Variants in SHISA9 observed in about 807,000 individuals in gnomAD.
SHISA9 encodes the protein protein shisa-9.
SHISA9 carries 13 observed loss-of-function variants against 38.0 expected under a neutral mutation model. The observed-to-expected ratio is 0.34, with a 90% confidence interval of 0.22 to 0.54. The LOEUF is 0.54. Ranked by LOEUF, SHISA9 falls within the 20% of genes least tolerant of loss-of-function variation. SHISA9 has a pLI of 0.91. For missense variants in SHISA9, 538 were observed against 575.8 expected, an observed-to-expected ratio of 0.93 and a Z score of 0.67; for synonymous variants, 275 against 242.0, an observed-to-expected ratio of 1.14 and a Z score of -1.27.
At chr16:13,020,894 A>G (rs139281886) in intron 2 of SHISA9, among the ~76,000 whole-genome samples, 1 of 152,350 alleles carries the variant, frequency 6.6e-6, no homozygotes, top group African/African-American at 2.4e-5. Context: ...ATTATACGCA[A>G]GGGCAAAAGG....
At chr16:13,435,569 A>T in the SHISA9 span, among the ~76,000 whole-genome samples, 1 of 152,184 alleles carries the variant, frequency 6.6e-6, no homozygotes, top group Non-Finnish European at 1.5e-5. Flanking sequence ...AACTATCCCA[A>T]CCCTTTGAAA....
the SHISA9 span, among the ~76,000 whole-genome samples, chr16:13,493,489 A>G: frequency 2.0e-5 from 3 of 152,318 alleles, no homozygotes; most frequent in South Asian, 4.1e-4. Context: ...ATGGTTTTTC[A>G]TGACCCCTGA....
At chr16:13,120,512 T>A (rs929201073) in intron 2 of SHISA9, among the ~76,000 whole-genome samples, 1 of 152,250 alleles carries the variant, frequency 6.6e-6, no homozygotes, top group Non-Finnish European at 1.5e-5. Flanking sequence ...AGAGAACATA[T>A]TTTTTCACAT....
chr16:13,167,054 TC>T (rs746298959), intron 2 of SHISA9, among the ~76,000 whole-genome samples: 20 of 129,694 alleles, frequency 1.5e-4, no homozygotes, highest in Non-Finnish European at 3.3e-4. Context: ...CTACTTCTTC[TC>T]TCTCTCTCTC....
chr16:13,071,462 G>A lies in SHISA9; in HGVS notation c.692-131932G>A, dbSNP rs771524099. 2.6e-5 allele frequency among the ~76,000 whole-genome samples: 4 copies of A among 152,068 alleles called. No individual in the cohort carries two copies. In the East Asian group the frequency reaches 7.7e-4, roughly 29 times the overall value. On this transcript the variant is annotated intron_variant, in intron 2 of 4. Transcript: ENST00000558583. ...TCAGAACATTGAGAAATTTCTAGAG[G>A]TTATACATGGGTTAGTGATGCAGCC...
At chr16:13,049,617 T>C (rs577697111) in intron 2 of SHISA9, among the ~76,000 whole-genome samples, 1 of 152,178 alleles carries the variant, frequency 6.6e-6, no homozygotes, top group Non-Finnish European at 1.5e-5. Context: ...CTTGACAGCA[T>C]GATTTTTTTT....
chr16:13,473,662 T>C, the SHISA9 span, among the ~76,000 whole-genome samples: 3 of 152,178 alleles, frequency 2.0e-5, no homozygotes, highest in Admixed American at 2.0e-4. Flanking sequence ...TACTGCCAAT[T>C]GCCTACCTAA....
At chr16:13,352,327 G>T in the SHISA9 span, among the ~76,000 whole-genome samples, 1 of 152,166 alleles carries the variant, frequency 6.6e-6, no homozygotes, top group African/African-American at 2.4e-5. Flanking sequence ...TGATGCTTTT[G>T]TTATGACATT....
chr16:13,170,421 T>TCACAA (rs2142020612), intron 2 of SHISA9, among the ~76,000 whole-genome samples: 1 of 152,142 alleles, frequency 6.6e-6, no homozygotes, highest in East Asian at 1.9e-4. Flanking sequence ...CTGGGTAATT[T>TCACAA]ATAAAGAGAA....
rs1217424210 is a variant in SHISA9 at position 13,238,992 on chromosome 16, C to T, written c.*3583C>T. ...TAATGCTATCCCTCCCCCCTCCCCC[C>T]ACCCCACAACAGTCCCCAGAGTGTG... On this transcript the variant is annotated 3_prime_UTR_variant, in exon 5 of 5. Transcript: ENST00000558583. 9.6e-6 allele frequency: 1 copy of T among 104,560 alleles called. No homozygotes were observed. Among genetic ancestry groups the T allele is most frequent in the Non-Finnish European group, 1.9e-5 (1 of 53,846 alleles). 6.5% of individuals were successfully genotyped at this position (104,560 alleles called of 1,614,324 possible).
At chr16:13,212,768 C>G (rs757032923) in intron 3 of SHISA9, among the ~76,000 whole-genome samples, 5 of 152,168 alleles carry the variant, frequency 3.3e-5, no homozygotes, top group Non-Finnish European at 7.3e-5. Context: ...AAGTCGCAGT[C>G]AGTAGAGCCT....
chr16:13,476,443 T>C, the SHISA9 span, among the ~76,000 whole-genome samples: 3 of 152,186 alleles, frequency 2.0e-5, no homozygotes, highest in Non-Finnish European at 2.9e-5. Context: ...GCAATAACCA[T>C]TGTCCCAGTG....
At chr16:13,529,282 G>C in the SHISA9 span, among the ~76,000 whole-genome samples, 1 of 152,192 alleles carries the variant, frequency 6.6e-6, no homozygotes, top group Non-Finnish European at 1.5e-5. Flanking sequence ...GGATTGTACT[G>C]TGTCTTGATC....
the SHISA9 span, among the ~76,000 whole-genome samples, chr16:13,289,597 G>T: frequency 2.0e-5 from 3 of 151,928 alleles, no homozygotes; most frequent in Non-Finnish European, 4.4e-5. Flanking sequence ...TGATGAAGGA[G>T]GGTAGGAAAG....
chr16:12,966,127 T>C (rs2071974887), intron 2 of SHISA9, among the ~76,000 whole-genome samples: 1 of 152,242 alleles, frequency 6.6e-6, no homozygotes, highest in Non-Finnish European at 1.5e-5. Context: ...AAATTGTCTC[T>C]AAACATTGCC....
At chr16:13,045,925 C>T (rs567030317) in intron 2 of SHISA9, among the ~76,000 whole-genome samples, 7 of 152,192 alleles carry the variant, frequency 4.6e-5, no homozygotes, top group African/African-American at 1.7e-4. Flanking sequence ...TTTGACGAGT[C>T]TGCAGAGCAT....
chr16:13,297,713 G>T, the SHISA9 span, among the ~76,000 whole-genome samples: 1 of 152,080 alleles, frequency 6.6e-6, no homozygotes, highest in Non-Finnish European at 1.5e-5. Flanking sequence ...AACTTCAGGT[G>T]CTCCCTTCTA....
chr16:13,161,907 A>G (rs2050598323), intron 2 of SHISA9, among the ~76,000 whole-genome samples: 1 of 152,102 alleles, frequency 6.6e-6, no homozygotes, highest in Non-Finnish European at 1.5e-5. Flanking sequence ...TTTATTGGTG[A>G]TACACATTGC....
the SHISA9 span, among the ~76,000 whole-genome samples, chr16:13,444,982 C>CCATATATA: frequency 1.9e-5 from 2 of 106,248 alleles, no homozygotes; most frequent in Admixed American, 9.9e-5. Context: ...CCATGCCTAG[C>CCATATATA]TATATATATA....
Sources: allele counts gnomAD v4.1 joint callset (sites outside exome capture counted in the v4.1 genomes callset), GRCh38; gene constraint gnomAD v4.1.1; transcripts MANE v1.5; gene names NCBI Gene and HGNC (gene_info 2026-07-23, HGNC 2026-07-21).